PRRX1: variants seen among roughly 807,000 people sequenced by gnomAD.
PRRX1 encodes paired mesoderm homeobox protein 1.
In PRRX1, 8 loss-of-function variants were observed where a neutral mutation model predicts 24.0. The ratio of observed to expected loss-of-function variants is 0.33; its 90% CI spans 0.20 to 0.60. The LOEUF is 0.60. Ranked by LOEUF, PRRX1 falls within the 20% of genes least tolerant of loss-of-function variation. PRRX1 has a pLI of 0.82. For missense variants in PRRX1, 281 were observed against 322.4 expected (o/e 0.87, Z 0.98); for synonymous variants, 160 against 131.7 (o/e 1.22, Z -1.47).
intron 1 of PRRX1, among the ~76,000 whole-genome samples, chr1:170,695,469 A>G (rs1654136700): frequency 6.6e-6 from 1 of 152,206 alleles, no homozygotes; most frequent in Admixed American, 6.5e-5. Context: ...GTCTGTTGAC[A>G]TACGCTTGGT....
chr1:170,723,333 T>C (rs1229058532), intron 2 of PRRX1, among the ~76,000 whole-genome samples: 1 of 151,066 alleles, frequency 6.6e-6, no homozygotes, highest in Non-Finnish European at 1.5e-5. Flanking sequence ...ACAAAAAGAA[T>C]TTTCTTCTCC....
chr1:170,730,501 G>C (rs918197939), intron 3 of PRRX1: 17 of 648,198 alleles, frequency 2.6e-5, no homozygotes, highest in Non-Finnish European at 4.1e-5. Flanking sequence ...CTGCAAGAAA[G>C]CATGTCCACT....
chr1:170,693,850 G>A (rs149644953), intron 1 of PRRX1, among the ~76,000 whole-genome samples: 21 of 152,182 alleles, frequency 1.4e-4, no homozygotes, highest in African/African-American at 4.8e-4. Context: ...GTAGCGGCAA[G>A]GCAATGGGTC....
At chr1:170,716,981 G>A (rs928311421) in intron 1 of PRRX1, among the ~76,000 whole-genome samples, 4 of 152,202 alleles carry the variant, frequency 2.6e-5, no homozygotes, top group African/African-American at 4.8e-5. Context: ...TGATTAGTGA[G>A]CAAAGACAGA....
intron 2 of PRRX1, among the ~76,000 whole-genome samples, chr1:170,723,594 T>C (rs1655160923): frequency 6.6e-6 from 1 of 152,242 alleles, no homozygotes; most frequent in Non-Finnish European, 1.5e-5. Flanking sequence ...GAATTGGATG[T>C]CCTTGACTTC....
intron 2 of PRRX1, among the ~76,000 whole-genome samples, chr1:170,724,191 C>T (rs1042681887): frequency 6.6e-6 from 1 of 152,034 alleles, no homozygotes; most frequent in Non-Finnish European, 1.5e-5. Context: ...GATATTAGAC[C>T]TTTGTCAGAT....
intron 2 of PRRX1, among the ~76,000 whole-genome samples, chr1:170,724,004 T>C (rs555261083): frequency 1.3e-5 from 2 of 152,324 alleles, no homozygotes; most frequent in South Asian, 4.1e-4. Flanking sequence ...AACTGTAAAA[T>C]AGAAATAATA....
At chr1:170,722,498 T>C (rs577772169) in intron 2 of PRRX1, 7 of 152,296 alleles carry the variant, frequency 4.6e-5, no homozygotes, top group Admixed American at 4.6e-4. Flanking sequence ...GTGGAGAAGA[T>C]AGATGTACAA....
chr1:170,704,502 G>T lies in PRRX1; in HGVS notation c.242-15224G>T, dbSNP rs147806993. 2.6e-3 allele frequency among the ~76,000 whole-genome samples: 399 copies of T among 152,242 alleles called. 2 individuals carry two copies. The highest frequency in any genetic ancestry group is 9.3e-3 in the African/African-American group (387 of 41,540). On this transcript the variant is annotated intron_variant, in intron 1 of 3. Transcript: ENST00000239461. ...TACACAAGATGTAATTGATTTATTGGCCATTGGTCACTGCAGTCATCGTAT... is the reference window on the plus strand; with the variant it reads ...TACACAAGATGTAATTGATTTATTGTCCATTGGTCACTGCAGTCATCGTAT...
chr1:170,709,771 T>C (rs1215750260), intron 1 of PRRX1, among the ~76,000 whole-genome samples: 1 of 152,184 alleles, frequency 6.6e-6, no homozygotes, highest in East Asian at 1.9e-4. Context: ...GGGAGGATGC[T>C]AAAGTCAAGA....
intron 1 of PRRX1, among the ~76,000 whole-genome samples, chr1:170,693,790 G>A (rs942967022): frequency 6.6e-6 from 1 of 152,014 alleles, no homozygotes; most frequent in Non-Finnish European, 1.5e-5. Flanking sequence ...ACACAAGATC[G>A]AGGGACATTT....
intron 1 of PRRX1, 145 bp from the exon 2 acceptor site, chr1:170,719,581 C>T (rs1355392490): frequency 4.5e-6 from 4 of 880,146 alleles, no homozygotes; most frequent in African/African-American, 3.3e-5. Flanking sequence ...CACATTTGCA[C>T]ATGCAAAGTG....
chr1:170,727,571 T>C (rs1201602761), intron 3 of PRRX1: 1 of 152,240 alleles, frequency 6.6e-6, no homozygotes, highest in Non-Finnish European at 1.5e-5. Flanking sequence ...GAAATGCAAG[T>C]GTTTTTCAAA....
intron 1 of PRRX1, among the ~76,000 whole-genome samples, chr1:170,682,498 C>T (rs1030410444): frequency 6.6e-6 from 1 of 151,964 alleles, no homozygotes; most frequent in Non-Finnish European, 1.5e-5. Flanking sequence ...CTCTGGGCAC[C>T]CCATGCCCCC....
intron 1 of PRRX1, among the ~76,000 whole-genome samples, chr1:170,715,148 A>T (rs1021103847): frequency 6.6e-6 from 1 of 152,198 alleles, no homozygotes; most frequent in African/African-American, 2.4e-5. Flanking sequence ...GAAACACTGC[A>T]AAAGAATTTT....
chr1:170,669,662 C>A lies in PRRX1; in HGVS notation c.241+5203C>A, dbSNP rs190430519. On this transcript the variant is annotated intron_variant, in intron 1 of 3. Coordinates refer to ENST00000239461, the MANE Select transcript of PRRX1 (RefSeq NM_022716.4). Reference sequence around the variant, plus strand: ...CTCCATCCATCAGCCTACCACACCACCATCGCAGACCCCTAACTCCTGGAA... The same window carrying A: ...CTCCATCCATCAGCCTACCACACCAACATCGCAGACCCCTAACTCCTGGAA... Among the ~76,000 whole-genome samples, 373 of 152,106 alleles carry A rather than the reference C, an allele frequency of 2.5e-3. 1 individual carries two copies. Among genetic ancestry groups the A allele is most frequent in the African/African-American group, 8.4e-3 (348 of 41,444 alleles).
chr1:170,705,990 C>T (rs1160349229), intron 1 of PRRX1, among the ~76,000 whole-genome samples: 2 of 150,606 alleles, frequency 1.3e-5, no homozygotes, highest in Admixed American at 6.7e-5. Flanking sequence ...AGAAATTATG[C>T]CCCCCACCCT....
At chr1:170,718,917 G>A (rs1654994763) in intron 1 of PRRX1, among the ~76,000 whole-genome samples, 2 of 152,190 alleles carry the variant, frequency 1.3e-5, no homozygotes, top group African/African-American at 4.8e-5. Context: ...GAAAACCAAG[G>A]AAGGATCTTG....
chr1:170,679,282 T>C (rs1305541458), intron 1 of PRRX1, among the ~76,000 whole-genome samples: 2 of 152,230 alleles, frequency 1.3e-5, no homozygotes, highest in African/African-American at 4.8e-5. Flanking sequence ...AGCACACATA[T>C]AGCACTTATT....
Sources: gnomAD v4.1 joint callset for allele counts (sites outside exome capture counted in the v4.1 genomes callset) on GRCh38, gnomAD v4.1.1 for gene constraint, MANE v1.5 for transcripts, NCBI Gene and HGNC (gene_info 2026-07-23, HGNC 2026-07-21) for gene names.